NRXN3: variants seen among roughly 807,000 people sequenced by gnomAD.
NRXN3 encodes neurexin III.
Under a neutral mutation model 137.6 loss-of-function variants are expected in NRXN3, and 32 were observed. The observed-to-expected ratio is 0.23, with a 90% CI of 0.18 to 0.31. NRXN3 has a LOEUF of 0.31. NRXN3 is among the 10% of genes least tolerant of loss of function. NRXN3 has a pLI of 1.00. For missense variants in NRXN3, 1,574 were observed against 2,062.5 expected (o/e 0.76, Z 4.59); for synonymous variants, 798 against 784.5 (o/e 1.02, Z -0.29).
intron 19 of NRXN3, among the ~76,000 whole-genome samples, chr14:79,784,954 A>T (rs570556495): frequency 5.3e-5 from 8 of 152,048 alleles, no homozygotes; most frequent in African/African-American, 1.7e-4. Flanking sequence ...AGACAGAAAA[A>T]CTCTGCAGGA....
rs1345866838 is a variant in NRXN3, at chr14:78,233,862, A to G, written c.-703-8529A>G. Among the ~76,000 whole-genome samples, 5 of 152,186 alleles carry G rather than the reference A, an allele frequency of 3.3e-5. No individual in the cohort carries two copies. The East Asian group carries it at 5.8e-4, about 18-fold the overall frequency. ...ACTGGAATGAAATTTAAAGAAGTCC[A>G]TCTACCCAGCCTATTCTCCCTAAGC... On this transcript the variant is annotated intron_variant, in intron 1 of 20. Coordinates refer to ENST00000335750, the MANE Select transcript of NRXN3 (RefSeq NM_001330195.2).
At chr14:78,283,288 T>A (rs1219677085) in intron 3 of NRXN3, 2 of 152,192 alleles carry the variant, frequency 1.3e-5, no homozygotes, top group African/African-American at 4.8e-5. Context: ...GAGCAGGAGT[T>A]GGCAAACTAT....
chr14:79,776,685 T>C (rs1026452579), intron 19 of NRXN3, among the ~76,000 whole-genome samples: 6 of 152,152 alleles, frequency 3.9e-5, no homozygotes, highest in African/African-American at 1.2e-4. Context: ...TGGACCACAC[T>C]GTTAGGTAAC....
intron 4 of NRXN3, among the ~76,000 whole-genome samples, chr14:78,329,480 C>T (rs1231826951): frequency 6.6e-6 from 1 of 152,030 alleles, no homozygotes; most frequent in Admixed American, 6.6e-5. Context: ...TATTTTTCTC[C>T]CTCCTGCTCC....
chr14:78,665,064 A>T (rs569695613), intron 6 of NRXN3, among the ~76,000 whole-genome samples: 16 of 152,318 alleles, frequency 1.1e-4, no homozygotes, highest in African/African-American at 3.8e-4. Flanking sequence ...GAATGACAGC[A>T]TGTATAAAGT....
At chr14:79,769,872 G>A (rs1352099247) in intron 19 of NRXN3, among the ~76,000 whole-genome samples, 1 of 151,520 alleles carries the variant, frequency 6.6e-6, no homozygotes, top group Non-Finnish European at 1.5e-5. Context: ...CTGTATTCAG[G>A]AAACCCATCT....
chr14:78,273,458 T>C (rs10147843), intron 2 of NRXN3, among the ~76,000 whole-genome samples: 116,679 of 152,120 alleles, frequency 0.77, 45,047 homozygotes, highest in Middle Eastern at 0.83. Flanking sequence ...ACCCCAAACC[T>C]TTCCTCTTGT....
chr14:79,268,584 G>C (rs947432577), intron 15 of NRXN3, among the ~76,000 whole-genome samples: 1 of 152,150 alleles, frequency 6.6e-6, no homozygotes, highest in Non-Finnish European at 1.5e-5. Flanking sequence ...CAGAAAAGGG[G>C]CAAAGAGAAA....
chr14:79,373,275 A>G (rs1177914136), intron 15 of NRXN3, among the ~76,000 whole-genome samples: 3 of 152,166 alleles, frequency 2.0e-5, no homozygotes. Context: ...ATTACACAAA[A>G]TGCTCATGGA....
chr14:79,323,899 C>T (rs998141885), intron 15 of NRXN3, among the ~76,000 whole-genome samples: 2 of 152,168 alleles, frequency 1.3e-5, no homozygotes, highest in Admixed American at 6.5e-5. Context: ...TAATGGGATG[C>T]TCCACTTCAC....
intron 15 of NRXN3, among the ~76,000 whole-genome samples, chr14:78,995,919 C>G (rs2099529080): frequency 6.6e-6 from 1 of 152,118 alleles, no homozygotes; most frequent in African/African-American, 2.4e-5. Flanking sequence ...GTTATCTTTT[C>G]TATGGAACAT....
At chr14:78,987,728 T>A (rs2099509921) in intron 14 of NRXN3, among the ~76,000 whole-genome samples, 1 of 152,114 alleles carries the variant, frequency 6.6e-6, no homozygotes, top group South Asian at 2.1e-4. Context: ...TCTTTCTAGT[T>A]GAAAGGTAGA....
intron 15 of NRXN3, among the ~76,000 whole-genome samples, chr14:79,019,280 T>C (rs962598162): frequency 1.3e-5 from 2 of 152,182 alleles, no homozygotes; most frequent in Admixed American, 6.5e-5. Context: ...CTGGTGCTTA[T>C]TGAGGGCTCC....
intron 15 of NRXN3, among the ~76,000 whole-genome samples, chr14:79,023,998 C>T (rs1444470274): frequency 1.3e-5 from 2 of 152,116 alleles, no homozygotes; most frequent in African/African-American, 2.4e-5. Flanking sequence ...TTATATTTTG[C>T]ACTTCCTAAG....
In NRXN3 at chr14:79,643,118, A is replaced by T. The variant is rs12894142; in HGVS notation, c.3445-20660A>T. Among the ~76,000 whole-genome samples the T allele has an allele frequency of 1.5e-5, 2 of 136,184 alleles. 1 individual carries two copies. The highest frequency in any genetic ancestry group is 3.4e-5 in the Non-Finnish European group (2 of 58,438). 89.3% of individuals were successfully genotyped at this position (136,184 alleles called of 152,430 possible). On this transcript the variant is annotated intron_variant, in intron 16 of 20. Transcript: ENST00000335750. ...TTCTCATTTGGAAAGTCAAGACCAC[A>T]TGGGTACACCTCTTATCACAAGCTT...
At chr14:79,509,506 G>T (rs1247700490) in intron 16 of NRXN3, among the ~76,000 whole-genome samples, 1 of 149,876 alleles carries the variant, frequency 6.7e-6, no homozygotes, top group Non-Finnish European at 1.5e-5. Flanking sequence ...ATAGAGGAAG[G>T]CTCTGTCTCA....
intron 15 of NRXN3, among the ~76,000 whole-genome samples, chr14:79,436,096 G>A (rs1251645381): frequency 2.6e-5 from 4 of 152,082 alleles, no homozygotes; most frequent in African/African-American, 9.7e-5. Context: ...TACCCATAGA[G>A]GTGCCGCTTT....
intron 4 of NRXN3, among the ~76,000 whole-genome samples, chr14:78,398,608 T>A (rs894624519): frequency 6.6e-6 from 1 of 152,152 alleles, no homozygotes; most frequent in Non-Finnish European, 1.5e-5. Context: ...GTGAAAGAAA[T>A]GCCTTGTTAC....
chr14:78,792,257 CAAAAAAAAAAAAA>C (rs140968788), intron 8 of NRXN3, among the ~76,000 whole-genome samples: 1 of 19,460 alleles, frequency 5.1e-5, no homozygotes, highest in African/African-American at 2.8e-4. Context: ...AGACTAAAGG[CAAAAAAAAAAAAA>C]AAAAAAAAAA....
Sources: gnomAD v4.1 joint callset for allele counts (sites outside exome capture counted in the v4.1 genomes callset) on GRCh38, gnomAD v4.1.1 for gene constraint, MANE v1.5 for transcripts, NCBI Gene and HGNC (gene_info 2026-07-23, HGNC 2026-07-21) for gene names.